The following SEMA5A variants were observed in gnomAD, a reference collection of about 807,000 sequenced individuals.
The protein encoded by SEMA5A is semaphorin 5A.
In SEMA5A, 55 loss-of-function variants were observed where a neutral mutation model predicts 135.5. The ratio of observed to expected loss-of-function variants is 0.41; its 90% CI spans 0.33 to 0.51. SEMA5A has a LOEUF of 0.51. Ranked by LOEUF, SEMA5A falls within the 20% of genes least tolerant of loss-of-function variation. The pLI is 0.37. For synonymous variants in SEMA5A, 580 were observed against 546.5 expected (o/e 1.06, Z -0.85); for missense variants, 1,290 against 1,419.9 (o/e 0.91, Z 1.47).
At chr5:9,043,876 G>A (rs1377484804) in intron 22 of SEMA5A, among the ~76,000 whole-genome samples, 2 of 152,218 alleles carry the variant, frequency 1.3e-5, no homozygotes, top group Non-Finnish European at 2.9e-5. Flanking sequence ...TGATGTGTTG[G>A]AATCATGCTC....
chr5:9,181,518 C>T (rs1475194443), intron 11 of SEMA5A, among the ~76,000 whole-genome samples: 1 of 152,106 alleles, frequency 6.6e-6, no homozygotes, highest in Non-Finnish European at 1.5e-5. Context: ...ACCAAACACA[C>T]ACAGTCACGC....
intron 1 of SEMA5A, among the ~76,000 whole-genome samples, chr5:9,484,990 A>G (rs1280691734): frequency 6.6e-6 from 1 of 152,206 alleles, no homozygotes. Context: ...AACATCGAGT[A>G]TTTTTGTTAG....
intron 19 of SEMA5A, among the ~76,000 whole-genome samples, chr5:9,053,402 GT>G (rs1359706339): frequency 1.3e-5 from 2 of 152,198 alleles, no homozygotes; most frequent in Non-Finnish European, 2.9e-5. Context: ...ACCAGTTTCT[GT>G]TGTTTGCTGT....
In SEMA5A at chr5:9,122,656, C is replaced by G. The variant is rs781653339; in HGVS notation, c.1781G>C (p.Arg594Thr). ...AACTGGCGTGTTCTGAGCGGCACAC[C>G]TGGAACAGTTGGCGATCTCCATGCC... ...GPGMEIANCS[R>T]NGGWTPWTSW... Residue 594 changes from arginine (R) to threonine (T), a missense_variant and splice_region_variant, in exon 14 of 23, where the codon AGG becomes ACG. Arg to Thr is a moderately conservative substitution (Grantham distance 71, BLOSUM62 -1). Around this residue, in one of 3 missense-constraint regions of SEMA5A, gnomAD observed 1,029 missense variants for 1,086.6 expected, o/e 0.95. Coordinates refer to ENST00000382496, the MANE Select transcript of SEMA5A (RefSeq NM_003966.3). The G allele has an allele frequency of 6.3e-7, 1 of 1,595,386 alleles. No homozygotes were observed.
chr5:9,518,053 G>T (rs889098803), intron 1 of SEMA5A: 1 of 152,090 alleles, frequency 6.6e-6, no homozygotes, highest in African/African-American at 2.4e-5. Flanking sequence ...AATTCACAAA[G>T]AGCAGAACAA....
chr5:9,159,892 G>A lies in SEMA5A; in HGVS notation c.1274-5197C>T, dbSNP rs1365521578. Among the ~76,000 whole-genome samples, 9 of 152,120 alleles carry A rather than the reference G, an allele frequency of 5.9e-5. No homozygotes were observed. The South Asian group carries it at 8.3e-4, about 14-fold the overall frequency. ...CAGCCATAAAAAGCAATAAGATCACGTCCTTTTCAGGGACATAGATGAAGC... is the reference window on the plus strand; with the variant it reads ...CAGCCATAAAAAGCAATAAGATCACATCCTTTTCAGGGACATAGATGAAGC... On this transcript the variant is annotated intron_variant, in intron 11 of 22. Transcript: ENST00000382496.
At chr5:9,094,716 G>A (rs1047267840) in intron 16 of SEMA5A, among the ~76,000 whole-genome samples, 10 of 152,176 alleles carry the variant, frequency 6.6e-5, no homozygotes, top group African/African-American at 2.4e-4. Flanking sequence ...GAGGTCCTTC[G>A]AGGATTGCTT....
At chr5:9,170,481 C>T (rs1743857353) in intron 11 of SEMA5A, among the ~76,000 whole-genome samples, 2 of 151,994 alleles carry the variant, frequency 1.3e-5, no homozygotes, top group African/African-American at 4.8e-5. Flanking sequence ...TATTTGTGCC[C>T]CCCTACCCCC....
intron 8 of SEMA5A, among the ~76,000 whole-genome samples, chr5:9,203,059 A>G (rs1036325311): frequency 3.9e-5 from 6 of 152,206 alleles, no homozygotes; most frequent in Admixed American, 3.9e-4. Context: ...TTATCAACTG[A>G]ATTTTACATA....
At chr5:9,453,261 C>T (rs977617337) in intron 1 of SEMA5A, among the ~76,000 whole-genome samples, 9 of 152,182 alleles carry the variant, frequency 5.9e-5, no homozygotes, top group African/African-American at 2.2e-4. Context: ...CCCAGCCATT[C>T]ATGGACATGA....
chr5:9,265,199 C>T (rs1045823703), intron 5 of SEMA5A, among the ~76,000 whole-genome samples: 10 of 152,084 alleles, frequency 6.6e-5, no homozygotes, highest in Non-Finnish European at 1.0e-4. Flanking sequence ...GCTCCACGGT[C>T]GTGTGCTAGC....
intron 3 of SEMA5A, among the ~76,000 whole-genome samples, chr5:9,357,632 G>C (rs1317924182): frequency 6.6e-6 from 1 of 152,190 alleles, no homozygotes; most frequent in Non-Finnish European, 1.5e-5. Context: ...CAAATGTTGA[G>C]TCTGTTAAAA....
intron 15 of SEMA5A, among the ~76,000 whole-genome samples, chr5:9,116,760 A>G (rs915642946): frequency 1.6e-4 from 25 of 152,214 alleles, no homozygotes; most frequent in African/African-American, 5.8e-4. Flanking sequence ...GTATTCTCCC[A>G]TGGAGATCAT....
intron 13 of SEMA5A, among the ~76,000 whole-genome samples, chr5:9,135,589 G>A (rs1579457414): frequency 6.6e-6 from 1 of 152,094 alleles, no homozygotes; most frequent in Non-Finnish European, 1.5e-5. Context: ...CAACGCCTTC[G>A]CAGTTCTAAA....
chr5:9,515,079 T>C (rs1304504596), intron 1 of SEMA5A, among the ~76,000 whole-genome samples: 3 of 152,222 alleles, frequency 2.0e-5, no homozygotes, highest in African/African-American at 7.2e-5. Context: ...TAGCCTAGCC[T>C]ATTCTAAGCA....
chr5:9,297,141 A>C (rs1751374307), intron 5 of SEMA5A, among the ~76,000 whole-genome samples: 1 of 151,286 alleles, frequency 6.6e-6, no homozygotes, highest in Middle Eastern at 3.2e-3. Flanking sequence ...GGAAAGTGAC[A>C]AATTCAACCT....
chr5:9,173,614 T>C (rs942217115), intron 11 of SEMA5A, among the ~76,000 whole-genome samples: 2 of 152,164 alleles, frequency 1.3e-5, no homozygotes, highest in South Asian at 4.1e-4. Flanking sequence ...TCCATCCTCA[T>C]GACCTAATCA....
intron 2 of SEMA5A, among the ~76,000 whole-genome samples, chr5:9,388,998 T>C (rs144797268): frequency 0.021 from 3,234 of 152,232 alleles, 50 homozygotes; most frequent in Non-Finnish European, 0.032. Context: ...AGAAAAGCAA[T>C]GCTACCACAG....
At chr5:9,087,780 T>C (rs992194922) in intron 16 of SEMA5A, among the ~76,000 whole-genome samples, 6 of 152,164 alleles carry the variant, frequency 3.9e-5, no homozygotes, top group African/African-American at 4.8e-5. Context: ...GGTGGGATGT[T>C]TCTTATTCAA....
Sources: gnomAD v4.1 joint callset for allele counts (sites outside exome capture counted in the v4.1 genomes callset) on GRCh38, gnomAD v4.1.1 for gene constraint, gnomAD v4.1.1 regional missense constraint, MANE v1.5 for transcripts, NCBI Gene and HGNC (gene_info 2026-07-23, HGNC 2026-07-21) for gene names.